CRYBG1: variants seen among roughly 807,000 people sequenced by gnomAD.
CRYBG1 encodes the protein crystallin beta-gamma domain containing 1.
CRYBG1 carries 139 observed loss-of-function variants against 189.2 expected under a neutral mutation model. The observed-to-expected ratio is 0.73, with a 90% CI of 0.64 to 0.85. CRYBG1 has a LOEUF of 0.85. CRYBG1 is among the 40% of genes least tolerant of loss of function. The pLI, the probability that CRYBG1 is intolerant of heterozygous loss-of-function variation, is 0.00. For synonymous variants in CRYBG1, 1,023 were observed against 1,017.1 expected (o/e 1.01, Z -0.11); for missense variants, 2,611 against 2,675.8 (o/e 0.98, Z 0.53).
chr6:106,360,794 T>G lies in CRYBG1; in HGVS notation c.-115T>G, dbSNP rs1582718900. 1 of 1,250,292 alleles carries G rather than the reference T, an allele frequency of 8.0e-7. No homozygotes were observed. Among genetic ancestry groups the G allele is most frequent in the Non-Finnish European group, 1.1e-6 (1 of 947,444 alleles). 77.4% of individuals were successfully genotyped at this position (1,250,292 alleles called of 1,614,324 possible). The stretch of plus-strand genomic sequence containing the variant: ...CCGCATCCGCGACGAGGGGGCGGGG[T>G]CCCACGGCGCGCTGAGAAAGGCGGG... On this transcript the variant is annotated 5_prime_UTR_variant, in exon 1 of 22. Transcript: ENST00000633556.
At chr6:106,405,652 C>T (rs1166591764) in intron 1 of CRYBG1, among the ~76,000 whole-genome samples, 2 of 152,216 alleles carry the variant, frequency 1.3e-5, no homozygotes, top group Admixed American at 6.5e-5. Flanking sequence ...TGGCATCTGG[C>T]GGGTGCCCCT....
intron 6 of CRYBG1, among the ~76,000 whole-genome samples, chr6:106,525,915 AAATTT>A (rs1196920734): frequency 1.3e-5 from 2 of 152,224 alleles, no homozygotes; most frequent in African/African-American, 4.8e-5. Flanking sequence ...CACTAACTTA[AAATTT>A]AATTTACTTT....
At chr6:106,379,422 T>C (rs985335964) in intron 1 of CRYBG1, among the ~76,000 whole-genome samples, 12 of 151,718 alleles carry the variant, frequency 7.9e-5, no homozygotes, top group African/African-American at 2.9e-4. Flanking sequence ...CCACCATGCC[T>C]GGCTAATTTT....
chr6:106,412,824 G>A lies in CRYBG1; in HGVS notation c.174-38870G>A, dbSNP rs145655638. Among the ~76,000 whole-genome samples, 457 of 151,934 alleles carry A rather than the reference G, an allele frequency of 3.0e-3. 2 individuals are homozygous for A. Among genetic ancestry groups the A allele is most frequent in the African/African-American group, 0.01 (415 of 41,402 alleles). On this transcript the variant is annotated intron_variant, in intron 1 of 21. Transcript: ENST00000633556. ...CTTGTGTGGCGGATTTCTTACCAGCGGACACCTGAAGATGAAAAGGCTGCA... is the reference window on the plus strand; with the variant it reads ...CTTGTGTGGCGGATTTCTTACCAGCAGACACCTGAAGATGAAAAGGCTGCA...
intron 1 of CRYBG1, among the ~76,000 whole-genome samples, chr6:106,438,500 C>T (rs1157942222): frequency 6.6e-6 from 1 of 152,178 alleles, no homozygotes; most frequent in Non-Finnish European, 1.5e-5. Context: ...CTTCCCATGG[C>T]TGCTGGCAAT....
At position 106,558,516 on chromosome 6, in the gene CRYBG1, G is replaced by A; in HGVS notation, c.5746G>A (p.Glu1916Lys). Reference protein sequence around the residue: ...EFSEPTIILFEREDFKGKKIE... With the variant: ...EFSEPTIILFKREDFKGKKIE... ...TTCTGAACCAACAATTATTCTCTTT[G>A]AAAGAGAAGACTTCAAAGGAAAAAA... The change falls in exon 18 of 22, where the codon GAA becomes AAA. Residue 1916 changes from glutamate to lysine, a missense_variant. This residue lies in a region of CRYBG1 where 1,622 missense variants were observed against 1,735.0 expected (regional missense o/e 0.93). Transcript: ENST00000633556. The A allele has an allele frequency of 6.2e-7, 1 of 1,606,360 alleles. No individual in the cohort carries two copies. Among genetic ancestry groups the A allele is most frequent in the South Asian group, 1.1e-5 (1 of 90,182 alleles).
chr6:106,553,595 T>A, intron 16 of CRYBG1, 28 bp downstream of exon 16: 1 of 1,418,990 alleles, frequency 7.0e-7, no homozygotes, highest in South Asian at 1.1e-5. Flanking sequence ...CTGGCAGAGC[T>A]GAATCACTGG....
intron 13 of CRYBG1, among the ~76,000 whole-genome samples, chr6:106,546,280 A>G (rs1465129320): frequency 2.0e-5 from 3 of 152,244 alleles, no homozygotes; most frequent in Non-Finnish European, 4.4e-5. Context: ...TTATTCTTGT[A>G]ATCCAGGCTA....
At chr6:106,550,930 C>T (rs866907695) in intron 13 of CRYBG1, among the ~76,000 whole-genome samples, 2 of 151,856 alleles carry the variant, frequency 1.3e-5, no homozygotes, top group African/African-American at 4.8e-5. Flanking sequence ...TAAGCGAGAA[C>T]GCCAAAAAGT....
intron 2 of CRYBG1, among the ~76,000 whole-genome samples, chr6:106,500,852 G>A (rs1772992624): frequency 6.6e-6 from 1 of 152,128 alleles, no homozygotes; most frequent in Admixed American, 6.5e-5. Flanking sequence ...AGATTTTGGG[G>A]AGTCATTTGA....
chr6:106,558,583 G>T lies in CRYBG1; in HGVS notation c.5813G>T (p.Gly1938Val). ...NAETVNLRSL[G>V]FNTQIRSVQV... ...GAAACTGTCAATCTCCGATCCCTGGGATTCAACACACAAATACGCTCTGTT... is the reference window on the plus strand; with the variant it reads ...GAAACTGTCAATCTCCGATCCCTGGTATTCAACACACAAATACGCTCTGTT... Residue 1938 changes from glycine to valine, a missense_variant, in exon 18 of 22, where the codon GGA becomes GTA. This residue lies in a region of CRYBG1 where 1,622 missense variants were observed against 1,735.0 expected (regional missense o/e 0.93). Coordinates refer to ENST00000633556, the MANE Select transcript of CRYBG1 (RefSeq NM_001371242.2). The T allele has an allele frequency of 6.2e-7, 1 of 1,613,706 alleles. No individual in the cohort carries two copies. Among genetic ancestry groups the T allele is most frequent in the Non-Finnish European group, 8.5e-7 (1 of 1,179,812 alleles).
chr6:106,388,319 A>G (rs969759853), intron 1 of CRYBG1, among the ~76,000 whole-genome samples: 3 of 152,188 alleles, frequency 2.0e-5, no homozygotes, highest in African/African-American at 4.8e-5. Context: ...TGGGGCTAAC[A>G]TCAAGTGTTT....
intron 1 of CRYBG1, chr6:106,420,754 T>A: frequency 6.5e-6 from 1 of 153,126 alleles, no homozygotes. Context: ...CACAACCAGT[T>A]ACAGATTTCA....
At position 106,550,948 on chromosome 6, in the gene CRYBG1, A is replaced by G. The variant is rs188290290; in HGVS notation, c.5313-904A>G. Among the ~76,000 whole-genome samples the G allele has an allele frequency of 2.4e-4, 37 of 152,154 alleles. No individual in the cohort carries two copies. In the East Asian group the frequency reaches 7.1e-3, roughly 29 times the overall value. ...GCGAGAACGCCAAAAAGTTCATGTC[A>G]AGATACCCTTACGCTTACCATTTCT... On this transcript the variant is annotated intron_variant, in intron 13 of 21. Coordinates refer to ENST00000633556, the MANE Select transcript of CRYBG1 (RefSeq NM_001371242.2).
rs1214127766 is a variant in CRYBG1 at position 106,525,366 on chromosome 6, CAT to C, written c.4394_4395del (p.Ile1465LysfsTer4). On this transcript the variant is annotated frameshift_variant, in exon 6 of 22. Transcript: ENST00000633556. LOFTEE classifies it high-confidence loss of function. ...SSWSLSPVIL[I>X]KVVRGCWILY... ...CTTGGAGCCTCTCTCCAGTGATACT[CAT>C]AAAAGTTGTTAGAGGATGGTAAGAA... The C allele has an allele frequency of 6.2e-7, 1 of 1,613,794 alleles. No homozygotes were observed. Among genetic ancestry groups the C allele is most frequent in the Non-Finnish European group, 8.5e-7 (1 of 1,179,818 alleles).
chr6:106,448,285 T>C (rs1771707385), intron 1 of CRYBG1, among the ~76,000 whole-genome samples: 1 of 152,116 alleles, frequency 6.6e-6, no homozygotes, highest in African/African-American at 2.4e-5. Context: ...CCCATCATTC[T>C]CCTCCTCTCA....
At chr6:106,507,903 C>T (rs1773165494) in intron 2 of CRYBG1, among the ~76,000 whole-genome samples, 1 of 152,096 alleles carries the variant, frequency 6.6e-6, no homozygotes, top group Non-Finnish European at 1.5e-5. Flanking sequence ...GACTGCATTC[C>T]CCTGTCAACG....
chr6:106,436,584 CG>C (rs1771463972), intron 1 of CRYBG1, among the ~76,000 whole-genome samples: 1 of 110,684 alleles, frequency 9.0e-6, no homozygotes, highest in Non-Finnish European at 1.7e-5. Context: ...TGAGCCAACG[CG>C]CCCGGCCGCA....
intron 1 of CRYBG1, among the ~76,000 whole-genome samples, chr6:106,430,406 GA>G (rs1026734959): frequency 2.0e-5 from 3 of 150,864 alleles, no homozygotes; most frequent in South Asian, 2.1e-4. Context: ...GTCTCAAACA[GA>G]AAAAAAAAGA....
Sources: allele counts gnomAD v4.1 joint callset (sites outside exome capture counted in the v4.1 genomes callset), GRCh38; gene constraint gnomAD v4.1.1; regional missense constraint gnomAD v4.1.1; transcripts MANE v1.5; gene names NCBI Gene and HGNC (gene_info 2026-07-23, HGNC 2026-07-21).